Variants in SNRNP48 observed in about 807,000 individuals in gnomAD.
SNRNP48 encodes small nuclear ribonucleoprotein U11/U12 subunit 48, also known as U11/U12 small nuclear ribonucleoprotein 48 kDa protein.
Under a neutral mutation model 47.0 loss-of-function variants are expected in SNRNP48, and 43 were observed. The observed-to-expected ratio is 0.92, with a 90% CI of 0.72 to 1.18. SNRNP48 has a LOEUF of 1.18. SNRNP48 is among the 50% of genes most tolerant of loss of function. The pLI, the probability that SNRNP48 is intolerant of heterozygous loss-of-function variation, is 0.00. For missense variants in SNRNP48, 396 were observed against 422.2 expected, an observed-to-expected ratio of 0.94 and a Z score of 0.54; for synonymous variants, 138 against 144.0, an observed-to-expected ratio of 0.96 and a Z score of 0.30.
At chr6:7,597,055 G>T (rs1759916266) in intron 4 of SNRNP48, among the ~76,000 whole-genome samples, 1 of 152,150 alleles carries the variant, frequency 6.6e-6, no homozygotes, top group Admixed American at 6.5e-5. Context: ...TTTTTAAAAG[G>T]TTATTTTTTT....
At chr6:7,593,172 C>T (rs1231823795) in intron 1 of SNRNP48, among the ~76,000 whole-genome samples, 3 of 151,892 alleles carry the variant, frequency 2.0e-5, no homozygotes, top group African/African-American at 7.3e-5. Flanking sequence ...AGCAAAAGGT[C>T]AGTGGTTATA....
At position 7,609,615 on chromosome 6, in the gene SNRNP48, G is replaced by A. The variant is rs946071794; in HGVS notation, c.*742G>A. 1 of 152,178 alleles carries A rather than the reference G, an allele frequency of 6.6e-6. No individual in the cohort carries two copies. Among genetic ancestry groups the A allele is most frequent in the Non-Finnish European group, 1.5e-5 (1 of 68,022 alleles). 9.4% of individuals were successfully genotyped at this position (152,178 alleles called of 1,614,324 possible). A position where few individuals can be genotyped will look rare whatever the true frequency, so the allele number is the denominator to read the frequency against. On this transcript the variant is annotated 3_prime_UTR_variant, in exon 9 of 9. Coordinates refer to ENST00000342415, the MANE Select transcript of SNRNP48 (RefSeq NM_152551.4). Reference sequence around the variant, plus strand: ...CTAACAGCGAGTAGGAGGTATAGATGAGAGATTAGGGGTGCAAATCAGGAT... The same window carrying A: ...CTAACAGCGAGTAGGAGGTATAGATAAGAGATTAGGGGTGCAAATCAGGAT...
At chr6:7,594,783 T>C (rs969477772) in intron 3 of SNRNP48, among the ~76,000 whole-genome samples, 1 of 152,202 alleles carries the variant, frequency 6.6e-6, no homozygotes, top group Admixed American at 6.5e-5. Flanking sequence ...GTAAAATTTG[T>C]CGCTGCTACT....
intron 1 of SNRNP48, among the ~76,000 whole-genome samples, chr6:7,591,163 G>T (rs918960707): frequency 3.9e-5 from 6 of 152,306 alleles, no homozygotes; most frequent in Admixed American, 3.9e-4. Context: ...CTGGGAGTTT[G>T]CCAGTTCGCC....
At chr6:7,607,619 G>C (rs1225529967) in intron 8 of SNRNP48, among the ~76,000 whole-genome samples, 8 of 152,116 alleles carry the variant, frequency 5.3e-5, no homozygotes, top group Admixed American at 5.2e-4. Flanking sequence ...TGTTCAAGCA[G>C]AGCTGATCAT....
At chr6:7,590,715 C>T (rs1417734477) in intron 1 of SNRNP48, among the ~76,000 whole-genome samples, 1 of 152,234 alleles carries the variant, frequency 6.6e-6, no homozygotes, top group Non-Finnish European at 1.5e-5. Flanking sequence ...CGGTGGCGCA[C>T]GCCTGTAATC....
In SNRNP48 at chr6:7,611,533, A is replaced by G. The variant is rs1420655639; in HGVS notation, c.*2660A>G. 2 of 152,198 alleles carry G rather than the reference A, an allele frequency of 1.3e-5. No individual in the cohort carries two copies. Among genetic ancestry groups the G allele is most frequent in the Admixed American group, 6.5e-5 (1 of 15,290 alleles). 9.4% of individuals were successfully genotyped at this position (152,198 alleles called of 1,614,324 possible). A position where few individuals can be genotyped will look rare whatever the true frequency, so the allele number is the denominator to read the frequency against. ...AGAGCCCAGGGCACTGGTTATATTC[A>G]GTAGGAAACTGAACTCAGCACTCAG... is the stretch of plus-strand genomic sequence containing the variant. On this transcript the variant is annotated 3_prime_UTR_variant, in exon 9 of 9. Coordinates refer to ENST00000342415, the MANE Select transcript of SNRNP48 (RefSeq NM_152551.4).
intron 8 of SNRNP48, among the ~76,000 whole-genome samples, chr6:7,608,486 G>A (rs559980932): frequency 8.5e-5 from 13 of 152,164 alleles, no homozygotes; most frequent in Admixed American, 7.8e-4. Flanking sequence ...TCCGGGAGGC[G>A]AAGGTTGCAG....
At chr6:7,595,284 GAT>G (rs1759884125) in intron 4 of SNRNP48, among the ~76,000 whole-genome samples, 183 bp downstream of exon 4, 7 of 152,096 alleles carry the variant, frequency 4.6e-5, no homozygotes, top group Admixed American at 4.6e-4. Context: ...TTCCTGTTGA[GAT>G]ACACCAGAGT....
intron 6 of SNRNP48, among the ~76,000 whole-genome samples, chr6:7,603,239 G>A (rs1760064325): frequency 6.6e-6 from 1 of 152,044 alleles, no homozygotes. Flanking sequence ...ATGTTTTTAT[G>A]TACTCTAGTA....
At chr6:7,590,585 C>T (rs1048033137) in intron 1 of SNRNP48, among the ~76,000 whole-genome samples, 172 bp downstream of exon 1, 2 of 152,178 alleles carry the variant, frequency 1.3e-5, no homozygotes, top group African/African-American at 4.8e-5. Context: ...CTGGAGCAAC[C>T]CTGACGTCCC....
At chr6:7,605,600 C>G in intron 7 of SNRNP48, 114 bp downstream of exon 7, 1 of 932,842 alleles carries the variant, frequency 1.1e-6, no homozygotes. Context: ...ACAGTAAACT[C>G]GTGAAAATGC....
Position 7,594,178 on chromosome 6 carries a change from T to A in SNRNP48, c.331+19T>A, listed in dbSNP as rs1759865467. The stretch of plus-strand genomic sequence containing the variant: ...ACTTTGAGTAAGTATTAAGTTATTA[T>A]AATTTAAAAATATCTTAGTGTAGAT... On this transcript the variant is annotated intron_variant, in intron 3 of 8. Transcript: ENST00000342415. The A allele has an allele frequency of 8.4e-7, 1 of 1,186,774 alleles. No individual in the cohort carries two copies. The highest frequency in any genetic ancestry group is 2.7e-5 in the East Asian group (1 of 36,904). 73.5% of individuals were successfully genotyped at this position (1,186,774 alleles called of 1,614,324 possible). A position where few individuals can be genotyped will look rare whatever the true frequency, so the allele number is the denominator to read the frequency against.
intron 4 of SNRNP48, among the ~76,000 whole-genome samples, chr6:7,598,074 A>C (rs374655027): frequency 6.6e-6 from 1 of 151,418 alleles, no homozygotes; most frequent in African/African-American, 2.4e-5. Flanking sequence ...TCACTGTGTT[A>C]GCCACGATGG....
intron 8 of SNRNP48, among the ~76,000 whole-genome samples, chr6:7,607,485 T>C (rs186900175): frequency 4.1e-4 from 62 of 152,348 alleles, no homozygotes; most frequent in African/African-American, 1.4e-3. Flanking sequence ...ATCCACACTG[T>C]GCCACATCTA....
chr6:7,596,697 C>T (rs1389704781), intron 4 of SNRNP48, among the ~76,000 whole-genome samples: 1 of 152,156 alleles, frequency 6.6e-6, no homozygotes, highest in African/African-American at 2.4e-5. Flanking sequence ...AGGGAAATTC[C>T]AGGTTTTTTT....
At chr6:7,602,914 G>C (rs1009288294) in intron 6 of SNRNP48, among the ~76,000 whole-genome samples, 170 bp downstream of exon 6, 1 of 152,108 alleles carries the variant, frequency 6.6e-6, no homozygotes, top group African/African-American at 2.4e-5. Context: ...GCAAGCAAAG[G>C]CTTTCATAGT....
Position 7,594,177 on chromosome 6 carries a change from AT to A in SNRNP48, c.331+19del. 1 of 1,183,082 alleles carries A rather than the reference AT, an allele frequency of 8.5e-7. No homozygotes were observed. Among genetic ancestry groups the A allele is most frequent in the Non-Finnish European group, 1.2e-6 (1 of 857,226 alleles). The allele number at this position is 1,183,082 out of a possible 1,614,324, so 73.3% of individuals were successfully genotyped here. A position where few individuals can be genotyped will look rare whatever the true frequency, so the allele number is the denominator to read the frequency against. ...TACTTTGAGTAAGTATTAAGTTATT[AT>A]AATTTAAAAATATCTTAGTGTAGAT... is the stretch of plus-strand genomic sequence containing the variant. On this transcript the variant is annotated intron_variant, in intron 3 of 8. Coordinates refer to ENST00000342415, the MANE Select transcript of SNRNP48 (RefSeq NM_152551.4).
chr6:7,608,223 T>G (rs928795892), intron 8 of SNRNP48, among the ~76,000 whole-genome samples: 49 of 146,288 alleles, frequency 3.3e-4, no homozygotes, highest in African/African-American at 1.2e-3. Flanking sequence ...AATTAAAGTG[T>G]TTTTTTTTTT....
Sources: allele counts gnomAD v4.1 joint callset (sites outside exome capture counted in the v4.1 genomes callset), GRCh38; gene constraint gnomAD v4.1.1; transcripts MANE v1.5; gene names NCBI Gene and HGNC (gene_info 2026-07-23, HGNC 2026-07-21).